The following SLCO3A1 variants were observed in gnomAD, a reference collection of about 807,000 sequenced individuals.
SLCO3A1 encodes the protein PGE1 transporter.
Under a neutral mutation model 63.1 loss-of-function variants are expected in SLCO3A1, and 27 were observed. The observed-to-expected ratio is 0.43, with a 90% confidence interval of 0.32 to 0.59. The LOEUF (loss-of-function observed/expected upper bound fraction) is 0.59. SLCO3A1 is among the 20% of genes least tolerant of loss of function. The pLI, the probability that SLCO3A1 is intolerant of heterozygous loss-of-function variation, is 0.09. For missense variants in SLCO3A1, 773 were observed against 945.8 expected (o/e 0.82, Z 2.40); for synonymous variants, 473 against 409.9 (o/e 1.15, Z -1.86).
intron 9 of SLCO3A1, chr15:92,151,307 TA>T (rs2048302689): frequency 3.5e-6 from 1 of 284,288 alleles, no homozygotes; most frequent in Non-Finnish European, 6.5e-6. Context: ...TCTGGTGGTG[TA>T]ATTTGGCATC....
At chr15:91,946,413 G>A (rs1899806952) in intron 2 of SLCO3A1, among the ~76,000 whole-genome samples, 1 of 152,240 alleles carries the variant, frequency 6.6e-6, no homozygotes, top group African/African-American at 2.4e-5. Flanking sequence ...AAGAACCAGT[G>A]AGGAGCACTC....
intron 5 of SLCO3A1, among the ~76,000 whole-genome samples, chr15:92,125,799 G>T (rs80229317): frequency 2.0e-4 from 31 of 151,818 alleles, no homozygotes; most frequent in African/African-American, 7.5e-4. Flanking sequence ...TCTCCTGAGG[G>T]TGCCCCACTT....
chr15:91,978,144 A>T (rs1901190304), intron 2 of SLCO3A1, among the ~76,000 whole-genome samples: 1 of 152,192 alleles, frequency 6.6e-6, no homozygotes, highest in African/African-American at 2.4e-5. Context: ...TAGACCTAGG[A>T]CTAGGAACAT....
At chr15:92,120,400 A>G (rs6496893) in intron 4 of SLCO3A1, 65 bp from the exon 5 acceptor site, 1,294,295 of 1,507,882 alleles carry the variant, frequency 0.86, 565,384 homozygotes, top group Non-Finnish European at 0.9. Flanking sequence ...AGGAGCAGGG[A>G]GCTATAAGAT....
intron 2 of SLCO3A1, among the ~76,000 whole-genome samples, chr15:92,027,042 A>T (rs1190282230): frequency 1.3e-5 from 2 of 151,544 alleles, no homozygotes; most frequent in Non-Finnish European, 2.9e-5. Flanking sequence ...GTGAGCCAAG[A>T]TCGTGCCATT....
chr15:91,911,475 A>G (rs529847713), intron 1 of SLCO3A1, among the ~76,000 whole-genome samples: 9 of 152,100 alleles, frequency 5.9e-5, no homozygotes, highest in Admixed American at 2.0e-4. Context: ...TCTGGGGGTA[A>G]TTTTACTGCC....
chr15:91,960,952 C>T (rs1156794844), intron 2 of SLCO3A1, among the ~76,000 whole-genome samples: 1 of 152,128 alleles, frequency 6.6e-6, no homozygotes, highest in Non-Finnish European at 1.5e-5. Context: ...ATTAGAAATG[C>T]TCCACCTGTA....
At chr15:92,030,729 TG>T (rs760656656) in intron 2 of SLCO3A1, among the ~76,000 whole-genome samples, 4 of 152,252 alleles carry the variant, frequency 2.6e-5, no homozygotes, top group Non-Finnish European at 5.9e-5. Context: ...GAGAGGAAAG[TG>T]GTGCCCACCT....
At chr15:91,929,765 A>C (rs1203106502) in intron 2 of SLCO3A1, among the ~76,000 whole-genome samples, 6 of 152,148 alleles carry the variant, frequency 3.9e-5, no homozygotes, top group Non-Finnish European at 8.8e-5. Flanking sequence ...GACTACTCTA[A>C]GTGCCTCAGA....
chr15:91,927,637 T>C (rs1008020453), intron 2 of SLCO3A1, among the ~76,000 whole-genome samples: 2 of 152,140 alleles, frequency 1.3e-5, no homozygotes, highest in Non-Finnish European at 2.9e-5. Context: ...AGAGATACTT[T>C]TCTCCCTTTC....
intron 2 of SLCO3A1, among the ~76,000 whole-genome samples, chr15:92,053,015 T>C (rs1008499202): frequency 6.6e-6 from 1 of 152,176 alleles, no homozygotes; most frequent in Non-Finnish European, 1.5e-5. Flanking sequence ...CAAAATAAAC[T>C]AGATCCAGCC....
chr15:92,007,936 A>G (rs73532495), intron 2 of SLCO3A1, among the ~76,000 whole-genome samples: 2,867 of 152,278 alleles, frequency 0.019, 95 homozygotes, highest in African/African-American at 0.065. Context: ...CAGAAGAAAG[A>G]CTTTAGAAAG....
chr15:92,100,390 C>G (rs1468029919), intron 3 of SLCO3A1, among the ~76,000 whole-genome samples: 2 of 152,208 alleles, frequency 1.3e-5, no homozygotes, highest in African/African-American at 4.8e-5. Flanking sequence ...TCAGCCTGTT[C>G]CCTCAGCCTG....
chr15:91,892,356 C>A (rs1248852176), intron 1 of SLCO3A1, among the ~76,000 whole-genome samples: 1 of 152,144 alleles, frequency 6.6e-6, no homozygotes, highest in Non-Finnish European at 1.5e-5. Context: ...ACAAACAGAG[C>A]TGGCTGCAGA....
intron 3 of SLCO3A1, among the ~76,000 whole-genome samples, chr15:92,096,512 C>T (rs552068047): frequency 2.8e-4 from 42 of 152,254 alleles, no homozygotes; most frequent in African/African-American, 9.9e-4. Flanking sequence ...ACTATATTTC[C>T]ATGTAGTTTA....
At position 91,968,895 on chromosome 15, in the gene SLCO3A1, G is replaced by C. The variant is rs1900757780; in HGVS notation, c.646+52437G>C. Among the ~76,000 whole-genome samples the C allele has an allele frequency of 6.6e-6, 1 of 152,154 alleles. No individual in the cohort carries two copies. The highest frequency in any genetic ancestry group is 2.1e-4 in the South Asian group (1 of 4,834). Reference sequence around the variant, plus strand: ...GTCTCCTTTCTCTTTCCCCTACCCAGGGGATCTGGCAAACTCGTGTTGCTC... The same window carrying C: ...GTCTCCTTTCTCTTTCCCCTACCCACGGGATCTGGCAAACTCGTGTTGCTC... On this transcript the variant is annotated intron_variant, in intron 2 of 9. Transcript: ENST00000318445. This position sits in a 1 kb window ranked among gnomAD's most constrained non-coding sequence, Gnocchi z 4.2.
At chr15:91,893,166 CAT>C (rs2151358793) in intron 1 of SLCO3A1, among the ~76,000 whole-genome samples, 1 of 152,322 alleles carries the variant, frequency 6.6e-6, no homozygotes, top group African/African-American at 2.4e-5. Flanking sequence ...GAATACTTGA[CAT>C]GTGGGTAGTA....
chr15:91,877,232 G>A (rs1213250772), intron 1 of SLCO3A1, among the ~76,000 whole-genome samples: 1 of 152,082 alleles, frequency 6.6e-6, no homozygotes, highest in East Asian at 1.9e-4. Flanking sequence ...AATTAAGTTG[G>A]TGTGAACCTT....
chr15:92,154,099 A>G (rs779776318), intron 9 of SLCO3A1, among the ~76,000 whole-genome samples: 1 of 152,214 alleles, frequency 6.6e-6, no homozygotes, highest in Non-Finnish European at 1.5e-5. Flanking sequence ...TGGCTGAAGA[A>G]GTTGCTGCTG....
Sources: allele counts gnomAD v4.1 joint callset (sites outside exome capture counted in the v4.1 genomes callset), GRCh38; gene constraint gnomAD v4.1.1; non-coding constraint Gnocchi (gnomAD v3.1); transcripts MANE v1.5; gene names NCBI Gene and HGNC (gene_info 2026-07-23, HGNC 2026-07-21).